HGF: variants seen among roughly 807,000 people sequenced by gnomAD.
HGF encodes hepatocyte growth factor.
A neutral mutation model predicts 111.6 loss-of-function variants in HGF; 39 were observed. The observed-to-expected ratio is 0.35, with a 90% confidence interval of 0.27 to 0.46. The LOEUF (loss-of-function observed/expected upper bound fraction) is 0.46, where lower values mean the gene tolerates loss of function less well. Among genes scored for constraint, HGF ranks in the 20% least tolerant of loss-of-function variants. The probability of loss-of-function intolerance (pLI) is 1.00; values close to 1 mark genes in which losing one functional copy is unlikely to be tolerated. For synonymous variants in HGF, 285 were observed against 294.8 expected, an observed-to-expected ratio of 0.97 and a Z score of 0.34; for missense variants, 735 against 910.5, an observed-to-expected ratio of 0.81 and a Z score of 2.48.
intron 8 of HGF, among the ~76,000 whole-genome samples, chr7:81,728,372 T>A (rs571577021): frequency 6.6e-6 from 1 of 152,236 alleles, no homozygotes; most frequent in African/African-American, 2.4e-5. Context: ...TACAGATGAA[T>A]TTCACTAGGT....
At position 81,701,395 on chromosome 7, in the gene HGF, T is replaced by G. The variant is rs1305813120; in HGVS notation, c.*1186A>C. 6.6e-6 allele frequency: 1 copy of G among 151,538 alleles called. No individual in the cohort carries two copies. Among genetic ancestry groups the G allele is most frequent in the Middle Eastern group, 3.2e-3 (1 of 316 alleles). 9.4% of individuals were successfully genotyped at this position (151,538 alleles called of 1,614,324 possible). A position where few individuals can be genotyped will look rare whatever the true frequency, so the allele number is the denominator to read the frequency against. On this transcript the variant is annotated 3_prime_UTR_variant, in exon 18 of 18. Coordinates refer to ENST00000222390, the MANE Select transcript of HGF (RefSeq NM_000601.6). ...AAAATCTTCCAGGTTGAGAAAAGTA[T>G]TTTTATTTTTTTCTCCAATATATAC...
rs758013381 is a variant in HGF at position 81,702,309 on chromosome 7, A to T, written c.*272T>A. The T allele has an allele frequency of 3.0e-5, 11 of 369,352 alleles. No individual in the cohort carries two copies. Among genetic ancestry groups the T allele is most frequent in the Non-Finnish European group, 4.9e-5 (10 of 202,490 alleles). 22.9% of individuals were successfully genotyped at this position (369,352 alleles called of 1,614,324 possible). A position where few individuals can be genotyped will look rare whatever the true frequency, so the allele number is the denominator to read the frequency against. ...ATGAAATCTTTATCATCCAGCAAAT[A>T]TACCTGTGTGTTTTTTTAATCCATT... On this transcript the variant is annotated 3_prime_UTR_variant, in exon 18 of 18. Transcript: ENST00000222390.
chr7:81,751,048 TAAC>T, intron 5 of HGF: 1 of 984,880 alleles, frequency 1.0e-6, no homozygotes, highest in Non-Finnish European at 1.2e-6. Context: ...TCAAATTCAC[TAAC>T]AACAGAAAAC....
intron 8 of HGF, among the ~76,000 whole-genome samples, chr7:81,727,093 T>C (rs1348568503): frequency 6.6e-6 from 1 of 150,964 alleles, no homozygotes; most frequent in Non-Finnish European, 1.5e-5. Flanking sequence ...CAAGCTGGAG[T>C]GCAGTGGCGT....
In HGF at chr7:81,707,382, G is replaced by A. The variant is rs1445264718; in HGVS notation, c.1542-18C>T. ...GTTTATTTCTGTGAAAAAGAGGAAA[G>A]AGAAACAAGTAACATCTGTGCAGAA... On this transcript the variant is annotated intron_variant, in intron 13 of 17. Transcript: ENST00000222390. 1 of 1,461,974 alleles carries A rather than the reference G, an allele frequency of 6.8e-7. No homozygotes were observed. The highest frequency in any genetic ancestry group is 1.7e-5 in the Admixed American group (1 of 59,596). 90.6% of individuals were successfully genotyped at this position (1,461,974 alleles called of 1,614,324 possible).
intron 8 of HGF, among the ~76,000 whole-genome samples, chr7:81,728,405 A>G (rs1362093232): frequency 6.6e-6 from 1 of 152,172 alleles, no homozygotes; most frequent in Non-Finnish European, 1.5e-5. Context: ...ACAATTTCTT[A>G]TTGGGTATTA....
In HGF at chr7:81,725,792, T is replaced by C. The variant is rs975864499; in HGVS notation, c.1168+98A>G. Reference sequence around the variant, plus strand: ...TTTGTTTGCAAGCCAGCAAAACCAGTGCAGCAAGAAGTAGATCTTATGCTG... The same window carrying C: ...TTTGTTTGCAAGCCAGCAAAACCAGCGCAGCAAGAAGTAGATCTTATGCTG... On this transcript the variant is annotated intron_variant, in intron 9 of 17. Coordinates refer to ENST00000222390, the MANE Select transcript of HGF (RefSeq NM_000601.6). 4.0e-5 allele frequency: 55 copies of C among 1,360,042 alleles called. No individual in the cohort carries two copies. The Admixed American group carries it at 9.2e-4, about 23-fold the overall frequency. 84.2% of individuals were successfully genotyped at this position (1,360,042 alleles called of 1,614,324 possible).
Position 81,752,362 on chromosome 7 carries a change from A to G in HGF, c.483-100T>C, listed in dbSNP as rs933706799. 22 of 935,452 alleles carry G rather than the reference A, an allele frequency of 2.4e-5. 1 individual carries two copies. The African/African-American group carries it at 3.6e-4, about 15-fold the overall frequency. 57.9% of individuals were successfully genotyped at this position (935,452 alleles called of 1,614,324 possible). A position where few individuals can be genotyped will look rare whatever the true frequency, so the allele number is the denominator to read the frequency against. On this transcript the variant is annotated intron_variant, in intron 4 of 17. Transcript: ENST00000222390. Reference sequence around the variant, plus strand: ...GGGTATGTTTTTGCTGAAGGTAGAAAAATCCTTTATCTTATATTCCTTCAT... The same window carrying G: ...GGGTATGTTTTTGCTGAAGGTAGAAGAATCCTTTATCTTATATTCCTTCAT...
intron 7 of HGF, among the ~76,000 whole-genome samples, chr7:81,730,425 A>C (rs1162530518): frequency 6.6e-6 from 1 of 152,234 alleles, no homozygotes; most frequent in African/African-American, 2.4e-5. Context: ...ATTGCACTCC[A>C]GCCTGGGCAA....
At chr7:81,745,151 G>A (rs1028783752) in intron 5 of HGF, 31 bp from the exon 6 acceptor site, 12 of 1,611,090 alleles carry the variant, frequency 7.4e-6, no homozygotes, top group Non-Finnish European at 1.0e-5. Flanking sequence ...CATGTTAATT[G>A]TTTCTGACAG....
chr7:81,702,542 C>G lies in HGF; in HGVS notation c.*39G>C. ...TTCTCTGAAATCTTCATGTAAAAGACAGTTGTATTGGTGGGTGCTTCAGAC... is the reference window on the plus strand; with the variant it reads ...TTCTCTGAAATCTTCATGTAAAAGAGAGTTGTATTGGTGGGTGCTTCAGAC... On this transcript the variant is annotated 3_prime_UTR_variant, in exon 18 of 18. Transcript: ENST00000222390. 1.3e-6 allele frequency: 2 copies of G among 1,487,472 alleles called. No individual in the cohort carries two copies. The highest frequency in any genetic ancestry group is 1.9e-6 in the Non-Finnish European group (2 of 1,066,184). 92.1% of individuals were successfully genotyped at this position (1,487,472 alleles called of 1,614,324 possible).
rs745648975 is a variant in HGF at position 81,705,761 on chromosome 7, C to T, written c.1758-8G>A. 1.7e-5 allele frequency: 25 copies of T among 1,515,146 alleles called. No individual in the cohort carries two copies. The highest frequency in any genetic ancestry group is 8.2e-6 in the Non-Finnish European group (9 of 1,091,660). The allele number at this position is 1,515,146 out of a possible 1,614,324, so 93.9% of individuals were successfully genotyped here. On this transcript the variant is annotated splice_region_variant and splice_polypyrimidine_tract_variant and intron_variant, in intron 15 of 17. Coordinates refer to ENST00000222390, the MANE Select transcript of HGF (RefSeq NM_000601.6). The stretch of plus-strand genomic sequence containing the variant: ...TCATCCAGGACAGCAGGCCTGAAAA[C>T]ACAAAATACAATGGTAAGTACTCTC...
At chr7:81,737,102 T>C (rs939993481) in intron 7 of HGF, among the ~76,000 whole-genome samples, 4 of 151,976 alleles carry the variant, frequency 2.6e-5, no homozygotes, top group Non-Finnish European at 5.9e-5. Context: ...ATGTAGAAGA[T>C]AAAATTGACA....
chr7:81,736,894 G>GGTGTGTGTGTGTGTGTGTGTGTGTGT (rs368271908), intron 7 of HGF, among the ~76,000 whole-genome samples: 2 of 141,966 alleles, frequency 1.4e-5, no homozygotes, highest in Non-Finnish European at 3.1e-5. Context: ...TGTGTAGAGG[G>GGTGTGTGTGTGTGTGTGTGTGTGTGT]GTGTGTGTGT....
At chr7:81,740,360 C>A (rs1787963831) in intron 7 of HGF, among the ~76,000 whole-genome samples, 1 of 152,152 alleles carries the variant, frequency 6.6e-6, no homozygotes, top group Non-Finnish European at 1.5e-5. Flanking sequence ...TTATCTCTTA[C>A]AACCAGTACA....
At chr7:81,749,546 A>G (rs1788407437) in intron 5 of HGF, among the ~76,000 whole-genome samples, 1 of 152,118 alleles carries the variant, frequency 6.6e-6, no homozygotes, top group Non-Finnish European at 1.5e-5. Context: ...ACTAGTTAAC[A>G]TATGCATTAC....
intron 1 of HGF, among the ~76,000 whole-genome samples, chr7:81,766,887 T>G (rs1055825363): frequency 6.6e-6 from 1 of 152,214 alleles, no homozygotes; most frequent in Non-Finnish European, 1.5e-5. Context: ...AAAGACCACA[T>G]GGTTGAGCAT....
chr7:81,769,571 G>A (rs1345679823), intron 1 of HGF, among the ~76,000 whole-genome samples: 5 of 152,180 alleles, frequency 3.3e-5, no homozygotes, highest in Admixed American at 2.6e-4. Flanking sequence ...GTCCAAAGCA[G>A]CCAAGTTCAG....
intron 6 of HGF, among the ~76,000 whole-genome samples, chr7:81,744,018 A>G (rs1460291553): frequency 6.6e-6 from 1 of 152,142 alleles, no homozygotes; most frequent in Non-Finnish European, 1.5e-5. Flanking sequence ...ACTTGATTTT[A>G]ATTGCTACCA....
Sources: allele counts gnomAD v4.1 joint callset (sites outside exome capture counted in the v4.1 genomes callset), GRCh38; gene constraint gnomAD v4.1.1; transcripts MANE v1.5; gene names NCBI Gene and HGNC (gene_info 2026-07-23, HGNC 2026-07-21).